RFX4: variants seen among roughly 807,000 people sequenced by gnomAD.
RFX4 encodes the protein regulatory factor X4.
Under a neutral mutation model 95.0 loss-of-function variants are expected in RFX4, and 10 were observed. That is an observed-to-expected ratio of 0.11 (90% CI 0.06 to 0.18). The LOEUF (loss-of-function observed/expected upper bound fraction) is 0.18. Among genes scored for constraint, RFX4 ranks in the 10% least tolerant of loss-of-function variants. RFX4 has a pLI of 1.00. For synonymous variants in RFX4, 321 were observed against 340.7 expected (o/e 0.94, Z 0.64); for missense variants, 640 against 922.0 (o/e 0.69, Z 3.96).
intron 3 of RFX4, among the ~76,000 whole-genome samples, chr12:106,646,957 G>A (rs984906763): frequency 2.0e-5 from 3 of 152,184 alleles, no homozygotes; most frequent in Non-Finnish European, 4.4e-5. Context: ...CTTAATGGTT[G>A]TGTAATGAAA....
At chr12:106,590,100 A>T (rs561910612) in intron 1 of RFX4, among the ~76,000 whole-genome samples, 99 of 152,368 alleles carry the variant, frequency 6.5e-4, no homozygotes, top group African/African-American at 2.3e-3. Flanking sequence ...TATGAAGGAA[A>T]AAAACCTATC....
In RFX4 at chr12:106,752,261, TA is replaced by T. The variant is rs550177611; in HGVS notation, c.1935+1469del. On this transcript the variant is annotated intron_variant, in intron 17 of 17. Transcript: ENST00000392842. ...TCAGATAGTTGTAGATATGCGGCGT[TA>T]TTTCTGAGGGCTCTGTTCTGTTCCA... 1.3e-4 allele frequency among the ~76,000 whole-genome samples: 19 copies of T among 151,204 alleles called. 1 individual carries two copies. In the East Asian group the frequency reaches 3.7e-3, roughly 30 times the overall value.
At chr12:106,646,044 G>A (rs2040737256) in intron 3 of RFX4, 2 of 899,398 alleles carry the variant, frequency 2.2e-6, no homozygotes, top group African/African-American at 3.4e-5. Flanking sequence ...TGTGCTGTGG[G>A]TAAATGTGTC....
chr12:106,709,497 G>C, intron 9 of RFX4, 67 bp downstream of exon 9: 4 of 1,217,884 alleles, frequency 3.3e-6, no homozygotes, highest in Non-Finnish European at 4.7e-6. Flanking sequence ...TTTTACATAA[G>C]TTGTTAATAG....
intron 17 of RFX4, among the ~76,000 whole-genome samples, chr12:106,753,696 G>A (rs943340496): frequency 1.3e-5 from 2 of 152,172 alleles, no homozygotes; most frequent in Admixed American, 6.5e-5. Flanking sequence ...GAACCCAGGC[G>A]CTGTGACTCC....
intron 2 of RFX4, among the ~76,000 whole-genome samples, chr12:106,635,423 G>C (rs1485898340): frequency 6.6e-6 from 1 of 152,018 alleles, no homozygotes; most frequent in Non-Finnish European, 1.5e-5. Context: ...AGAGACTCTT[G>C]TGCCTTAGCC....
chr12:106,715,632 A>G, intron 11 of RFX4, 88 bp downstream of exon 11: 1 of 1,440,184 alleles, frequency 6.9e-7, no homozygotes, highest in African/African-American at 1.4e-5. Flanking sequence ...TGGCATCCCC[A>G]CCCTGTTCTT....
chr12:106,752,310 TACC>T (rs2043022419), intron 17 of RFX4, among the ~76,000 whole-genome samples: 1 of 152,076 alleles, frequency 6.6e-6, no homozygotes, highest in Non-Finnish European at 1.5e-5. Flanking sequence ...TCTGTTTTGG[TACC>T]AGTACCATGC....
At chr12:106,737,183 T>G (rs2042726138) in intron 15 of RFX4, among the ~76,000 whole-genome samples, 1 of 137,282 alleles carries the variant, frequency 7.3e-6, no homozygotes, top group Non-Finnish European at 1.6e-5. Flanking sequence ...TTTTTTTTTT[T>G]TTTTTTTTTT....
intron 7 of RFX4, among the ~76,000 whole-genome samples, chr12:106,692,114 G>A (rs368648582): frequency 5.3e-5 from 8 of 149,698 alleles, no homozygotes; most frequent in African/African-American, 1.5e-4. Context: ...CCAAGATTGC[G>A]TCACTGCACT....
chr12:106,706,634 T>C (rs918353443), intron 8 of RFX4, among the ~76,000 whole-genome samples: 1 of 152,116 alleles, frequency 6.6e-6, no homozygotes, highest in African/African-American at 2.4e-5. Context: ...ATAGATTACA[T>C]GACACTACAA....
chr12:106,693,160 A>G, intron 7 of RFX4: 1 of 402,586 alleles, frequency 2.5e-6, no homozygotes, highest in Non-Finnish European at 4.9e-6. Flanking sequence ...TTAGTGCTTG[A>G]GCTAAGGCCA....
intron 3 of RFX4, among the ~76,000 whole-genome samples, chr12:106,641,798 A>T (rs1399359303): frequency 1.3e-5 from 2 of 152,176 alleles, no homozygotes; most frequent in African/African-American, 4.8e-5. Flanking sequence ...ATAGAATTTC[A>T]GTCATTAACT....
chr12:106,699,804 A>G (rs2041950650), intron 8 of RFX4, among the ~76,000 whole-genome samples: 1 of 152,106 alleles, frequency 6.6e-6, no homozygotes, highest in African/African-American at 2.4e-5. Context: ...ATAGAAACAT[A>G]GAGGGAGGTC....
chr12:106,653,176 G>A (rs1209594046), intron 3 of RFX4, among the ~76,000 whole-genome samples: 1 of 152,176 alleles, frequency 6.6e-6, no homozygotes, highest in Admixed American at 6.5e-5. Flanking sequence ...GAGTGCCTAG[G>A]ACAATGGAGG....
rs1365066582 is a variant in RFX4, at chr12:106,586,923, C to G, written c.43+3560C>G. Among the ~76,000 whole-genome samples, 1 of 152,186 alleles carries G rather than the reference C, an allele frequency of 6.6e-6. No individual in the cohort carries two copies. Among genetic ancestry groups the G allele is most frequent in the South Asian group, 2.1e-4 (1 of 4,834 alleles). The stretch of plus-strand genomic sequence containing the variant: ...TTGGGAGAGCAAGGAGCCGGAGGTC[C>G]GAGCCTTGCTCCAGCGCCCAAACCA... On this transcript the variant is annotated intron_variant, in intron 1 of 17. Transcript: ENST00000392842. This position sits in a 1 kb window ranked among gnomAD's most constrained non-coding sequence, Gnocchi z 5.6.
intron 3 of RFX4, among the ~76,000 whole-genome samples, chr12:106,642,677 T>C (rs902375668): frequency 6.6e-6 from 1 of 152,178 alleles, no homozygotes; most frequent in Non-Finnish European, 1.5e-5. Context: ...TGAGAAGTGC[T>C]GTGCAGAGAC....
rs563376838 is a variant in RFX4 at position 106,666,322 on chromosome 12, C to T, written c.315+11971C>T. ...CTTTTTTCAGGATGTTTTTCGTTAT[C>T]TTTGATTTTCTATAGTTTGAAAATG... is the stretch of plus-strand genomic sequence containing the variant. On this transcript the variant is annotated intron_variant, in intron 4 of 17. Coordinates refer to ENST00000392842, the MANE Select transcript of RFX4 (RefSeq NM_213594.3). Among the ~76,000 whole-genome samples the T allele has an allele frequency of 3.3e-5, 5 of 151,912 alleles. No homozygotes were observed. The South Asian group carries it at 1.0e-3, about 32-fold the overall frequency.
intron 10 of RFX4, among the ~76,000 whole-genome samples, chr12:106,712,446 G>A (rs961452418): frequency 6.6e-6 from 1 of 152,090 alleles, no homozygotes; most frequent in Admixed American, 6.6e-5. Flanking sequence ...TCACCTGCCT[G>A]CCCCCTTCCT....
Sources: allele counts gnomAD v4.1 joint callset (sites outside exome capture counted in the v4.1 genomes callset), GRCh38; gene constraint gnomAD v4.1.1; non-coding constraint Gnocchi (gnomAD v3.1); transcripts MANE v1.5; gene names NCBI Gene and HGNC (gene_info 2026-07-23, HGNC 2026-07-21).